CNIH3: variants seen among roughly 807,000 people sequenced by gnomAD.
CNIH3 encodes protein cornichon homolog 3.
Under a neutral mutation model 24.1 loss-of-function variants are expected in CNIH3, and 14 were observed. The observed-to-expected ratio is 0.58, with a 90% CI of 0.38 to 0.91. The LOEUF is 0.91. Among genes scored for constraint, CNIH3 ranks in the 40% least tolerant of loss-of-function variants. The pLI, the probability that CNIH3 is intolerant of heterozygous loss-of-function variation, is 0.00. For missense variants in CNIH3, 178 were observed against 196.8 expected (o/e 0.90, Z 0.57); for synonymous variants, 68 against 73.8 (o/e 0.92, Z 0.40).
intron 1 of CNIH3, among the ~76,000 whole-genome samples, chr1:224,495,054 A>C (rs1677379117): frequency 6.6e-6 from 1 of 152,194 alleles, no homozygotes; most frequent in Non-Finnish European, 1.5e-5. Context: ...GCACACACAC[A>C]CACTCTCTAC....
At position 224,449,308 on chromosome 1, in the gene CNIH3, G is replaced by C. The variant is rs765548462; in HGVS notation, n.203+14446G>C. ...AACCCCATCCATTCTTTCACCTCCC[G>C]CATCTCCTGTGTCACTAAACTCTAT... On this transcript the variant is annotated intron_variant and non_coding_transcript_variant, in intron 1 of 5. Transcript: ENST00000471578. Among the ~76,000 whole-genome samples, 141 of 151,824 alleles carry C rather than the reference G, an allele frequency of 9.3e-4. 1 individual carries two copies. The highest frequency in any genetic ancestry group is 9.2e-3 in the Admixed American group (140 of 15,224).
chr1:224,503,687 T>C (rs1677780532), intron 1 of CNIH3, among the ~76,000 whole-genome samples: 1 of 152,198 alleles, frequency 6.6e-6, no homozygotes, highest in Non-Finnish European at 1.5e-5. Flanking sequence ...AGGTGGAGTG[T>C]GGTCCTCCCC....
intron 3 of CNIH3, among the ~76,000 whole-genome samples, chr1:224,709,212 A>T (rs1459803440): frequency 6.6e-6 from 1 of 152,186 alleles, no homozygotes; most frequent in African/African-American, 2.4e-5. Flanking sequence ...ACGCTGAAGC[A>T]TCTATCATCG....
intron 1 of CNIH3, among the ~76,000 whole-genome samples, chr1:224,627,098 G>A (rs1203379674): frequency 6.6e-6 from 1 of 152,220 alleles, no homozygotes; most frequent in Non-Finnish European, 1.5e-5. Context: ...CGGGACTTAG[G>A]AGGACATGGT....
intron 4 of CNIH3, chr1:224,574,950 T>C: frequency 1.1e-6 from 1 of 907,880 alleles, no homozygotes; most frequent in Non-Finnish European, 1.9e-6. Context: ...TGAGAGGATC[T>C]TAAACAAACC....
intron 4 of CNIH3, among the ~76,000 whole-genome samples, chr1:224,570,510 A>G (rs1244070751): frequency 6.6e-6 from 1 of 152,158 alleles, no homozygotes; most frequent in Non-Finnish European, 1.5e-5. Flanking sequence ...GTTCTTTTTT[A>G]TGGCTGCACC....
At chr1:224,671,654 A>G (rs987961461) in intron 1 of CNIH3, among the ~76,000 whole-genome samples, 25 of 152,232 alleles carry the variant, frequency 1.6e-4, no homozygotes, top group African/African-American at 5.3e-4. Context: ...GGGATATTAT[A>G]TACAATGAAC....
At chr1:224,568,879 C>CT (rs372530960) in intron 4 of CNIH3, among the ~76,000 whole-genome samples, 2,744 of 149,558 alleles carry the variant, frequency 0.018, 27 homozygotes, top group Non-Finnish European at 0.028. Context: ...TGTTCACTTT[C>CT]TTTTTTTTTT....
intron 1 of CNIH3, among the ~76,000 whole-genome samples, chr1:224,620,354 ACTT>A (rs1683220561): frequency 6.6e-6 from 1 of 152,214 alleles, no homozygotes; most frequent in Non-Finnish European, 1.5e-5. Flanking sequence ...GTATGCATGG[ACTT>A]GAGCTAGGTC....
intron 5 of CNIH3, among the ~76,000 whole-genome samples, chr1:224,584,985 A>C (rs541062180): frequency 6.6e-6 from 1 of 152,224 alleles, no homozygotes; most frequent in African/African-American, 2.4e-5. Flanking sequence ...TTAGAGACCA[A>C]TAAAGCATGA....
chr1:224,621,778 G>C (rs752502936), intron 1 of CNIH3, among the ~76,000 whole-genome samples: 2 of 152,166 alleles, frequency 1.3e-5, no homozygotes, highest in Non-Finnish European at 2.9e-5. Flanking sequence ...CTGGCTTGAC[G>C]CATTTCCAGT....
At chr1:224,573,445 T>G (rs1572504147) in intron 4 of CNIH3, among the ~76,000 whole-genome samples, 1 of 152,166 alleles carries the variant, frequency 6.6e-6, no homozygotes, top group East Asian at 1.9e-4. Context: ...GCTGTGGAAC[T>G]CTAAGCTGGA....
intron 2 of CNIH3, among the ~76,000 whole-genome samples, chr1:224,681,778 G>A (rs1686416583): frequency 6.6e-6 from 1 of 152,190 alleles, no homozygotes; most frequent in South Asian, 2.1e-4. Context: ...GACCAACCCT[G>A]TATGTGGACA....
intron 4 of CNIH3, among the ~76,000 whole-genome samples, chr1:224,569,516 C>T (rs1174058146): frequency 7.2e-5 from 11 of 152,240 alleles, no homozygotes; most frequent in East Asian, 1.9e-4. Flanking sequence ...TTTGTGCACA[C>T]GTACAGGAGC....
At chr1:224,651,555 G>T (rs1313562483) in intron 1 of CNIH3, among the ~76,000 whole-genome samples, 1 of 152,184 alleles carries the variant, frequency 6.6e-6, no homozygotes, top group East Asian at 1.9e-4. Flanking sequence ...TCGTGTTCGT[G>T]TCATCTTACA....
chr1:224,533,149 A>C (rs933835483), intron 2 of CNIH3, among the ~76,000 whole-genome samples: 1 of 152,114 alleles, frequency 6.6e-6, no homozygotes, highest in Non-Finnish European at 1.5e-5. Context: ...GAGAATTCCA[A>C]ATAGAGGAAA....
chr1:224,574,894 GGCTGGTGAAA>G (rs1680971198), intron 4 of CNIH3: 1 of 1,011,872 alleles, frequency 9.9e-7, no homozygotes, highest in African/African-American at 1.6e-5. Flanking sequence ...GTGGATGAAG[GGCTGGTGAAA>G]GCTATTGGCA....
intron 1 of CNIH3, among the ~76,000 whole-genome samples, chr1:224,493,061 C>T (rs1677295419): frequency 6.6e-6 from 1 of 152,096 alleles, no homozygotes; most frequent in South Asian, 2.1e-4. Context: ...GGGCATTGAC[C>T]CAGGGTCTTT....
chr1:224,493,211 A>G (rs1000011439), intron 1 of CNIH3, among the ~76,000 whole-genome samples: 4 of 152,340 alleles, frequency 2.6e-5, no homozygotes, highest in Middle Eastern at 6.8e-3. Flanking sequence ...GTCTTTGTAT[A>G]TAAACTTGAT....
Sources: gnomAD v4.1 joint callset for allele counts (sites outside exome capture counted in the v4.1 genomes callset) on GRCh38, gnomAD v4.1.1 for gene constraint, MANE v1.5 for transcripts, NCBI Gene and HGNC (gene_info 2026-07-23, HGNC 2026-07-21) for gene names.